The following JAKMIP2 variants were observed in gnomAD, a reference collection of about 807,000 sequenced individuals.
JAKMIP2 encodes janus kinase and microtubule interacting protein 2, also known as janus kinase and microtubule-interacting protein 2.
A neutral mutation model predicts 115.0 loss-of-function variants in JAKMIP2; 25 were observed. The ratio of observed to expected loss-of-function variants is 0.22; its 90% confidence interval spans 0.16 to 0.30. The LOEUF (loss-of-function observed/expected upper bound fraction) is 0.30, where lower values mean the gene tolerates loss of function less well. Ranked by LOEUF, JAKMIP2 falls within the 10% of genes least tolerant of loss-of-function variation. JAKMIP2 has a pLI of 1.00. For missense variants in JAKMIP2, 642 were observed against 957.6 expected, an observed-to-expected ratio of 0.67 and a Z score of 4.35; for synonymous variants, 334 against 343.6, an observed-to-expected ratio of 0.97 and a Z score of 0.31.
chr5:147,725,452 C>A (rs1389205076), intron 1 of JAKMIP2, among the ~76,000 whole-genome samples: 2 of 152,174 alleles, frequency 1.3e-5, no homozygotes, highest in African/African-American at 4.8e-5. Context: ...GTCCAAGAAC[C>A]CTCTCTTAGG....
chr5:147,601,205 C>T (rs1229444107), intron 21 of JAKMIP2, among the ~76,000 whole-genome samples: 8 of 152,270 alleles, frequency 5.3e-5, no homozygotes, highest in African/African-American at 1.9e-4. Flanking sequence ...TTGGTTTCTT[C>T]ACTTTTCTAA....
intron 1 of JAKMIP2, among the ~76,000 whole-genome samples, chr5:147,769,554 T>C (rs1359469236): frequency 6.6e-6 from 1 of 152,146 alleles, no homozygotes; most frequent in Non-Finnish European, 1.5e-5. Context: ...AAACCCACTA[T>C]AGACTAATGA....
intron 3 of JAKMIP2, among the ~76,000 whole-genome samples, chr5:147,658,850 A>G (rs1481810057): frequency 1.3e-5 from 2 of 152,112 alleles, no homozygotes; most frequent in East Asian, 3.9e-4. Flanking sequence ...CACCAACTAA[A>G]GCCACAGTAA....
rs1758917935 is a variant in JAKMIP2 at position 147,660,839 on chromosome 5, C to T, written c.627+109G>A. On this transcript the variant is annotated intron_variant, in intron 3 of 21. Transcript: ENST00000616793. ...TAGAGCACTGGACAAAAGGTAGGCA[C>T]TGTTTACAATCCACTGACAAGAAAA... 2.4e-6 allele frequency: 3 copies of T among 1,254,198 alleles called. No individual in the cohort carries two copies. The Admixed American group carries it at 6.5e-5, about 27-fold the overall frequency. The allele number at this position is 1,254,198 out of a possible 1,614,324, so 77.7% of individuals were successfully genotyped here.
chr5:147,718,431 C>G (rs1753107895), intron 1 of JAKMIP2, among the ~76,000 whole-genome samples: 1 of 151,974 alleles, frequency 6.6e-6, no homozygotes, highest in Non-Finnish European at 1.5e-5. Flanking sequence ...GGTACCAGTT[C>G]CTCCTTGTAC....
At chr5:147,705,274 C>T (rs761847364) in intron 1 of JAKMIP2, among the ~76,000 whole-genome samples, 1 of 151,948 alleles carries the variant, frequency 6.6e-6, no homozygotes, top group African/African-American at 2.4e-5. Context: ...TTCCAGGAAC[C>T]CCTTCACTCA....
intron 1 of JAKMIP2, among the ~76,000 whole-genome samples, chr5:147,702,646 AAGAAAGAAAGAAAGAAAGAG>A (rs1333513078): frequency 0.026 from 3,411 of 133,636 alleles, 211 homozygotes; most frequent in African/African-American, 0.097. Flanking sequence ...GAAAGAAAGA[AAGAAAGAAAGAAAGAAAGAG>A]AGAGAAAGAA....
chr5:147,768,214 G>A (rs1231931075), intron 1 of JAKMIP2, among the ~76,000 whole-genome samples: 1 of 152,014 alleles, frequency 6.6e-6, no homozygotes, highest in East Asian at 1.9e-4. Context: ...CTTATGTTCT[G>A]ATAAAGGCCT....
At chr5:147,727,141 TC>T (rs1394960582) in intron 1 of JAKMIP2, among the ~76,000 whole-genome samples, 4 of 152,252 alleles carry the variant, frequency 2.6e-5, no homozygotes, top group African/African-American at 9.6e-5. Context: ...TCTTGAATCT[TC>T]CTTTCTCTGA....
intron 21 of JAKMIP2, among the ~76,000 whole-genome samples, chr5:147,595,903 T>TTA (rs577481594): frequency 1.2e-4 from 19 of 152,202 alleles, no homozygotes; most frequent in Admixed American, 3.9e-4. Context: ...AAATGTGTAT[T>TTA]TATATATATA....
At chr5:147,628,668 G>C (rs1024437576) in intron 16 of JAKMIP2, 83 bp downstream of exon 16, 8 of 977,774 alleles carry the variant, frequency 8.2e-6, no homozygotes, top group Non-Finnish European at 1.3e-5. Flanking sequence ...ATGTGCAGAG[G>C]GAATGTCCTT....
At chr5:147,599,893 A>G (rs1755605576) in intron 21 of JAKMIP2, among the ~76,000 whole-genome samples, 1 of 152,118 alleles carries the variant, frequency 6.6e-6, no homozygotes, top group African/African-American at 2.4e-5. Flanking sequence ...AGGGGATTTC[A>G]TGAGGATTAA....
chr5:147,725,289 T>C (rs1753473800), intron 1 of JAKMIP2, among the ~76,000 whole-genome samples: 1 of 152,132 alleles, frequency 6.6e-6, no homozygotes, highest in South Asian at 2.1e-4. Flanking sequence ...GTTTAGCATG[T>C]AATTATTAAA....
At position 147,660,998 on chromosome 5, in the gene JAKMIP2, C is replaced by T; in HGVS notation, c.577G>A (p.Glu193Lys). The change falls in exon 3 of 22, where the codon GAA becomes AAA. Residue 193 changes from glutamate to lysine, a missense_variant. By Grantham distance (56) the Glu-to-Lys change is moderately conservative. Around this residue, in one of 6 missense-constraint regions of JAKMIP2, gnomAD observed 439 missense variants for 570.9 expected, o/e 0.77. Coordinates refer to ENST00000616793, the MANE Select transcript of JAKMIP2 (RefSeq NM_001270941.2). ...DLRSEHQSHQ[E>K]AISKIKWESE... ...TCCCACTTGATCTTCGAGATGGCTT[C>T]TTGGTGGGACTGATGCTCACTCCGA... 1 of 1,614,074 alleles carries T rather than the reference C, an allele frequency of 6.2e-7. No homozygotes were observed. The highest frequency in any genetic ancestry group is 8.5e-7 in the Non-Finnish European group (1 of 1,180,026).
intron 1 of JAKMIP2, among the ~76,000 whole-genome samples, chr5:147,749,019 A>G (rs1001744182): frequency 6.6e-6 from 1 of 152,196 alleles, no homozygotes; most frequent in Admixed American, 6.5e-5. Context: ...AACCTCGGTT[A>G]TTACCTCAGA....
chr5:147,774,410 A>G (rs1755477436), intron 1 of JAKMIP2, among the ~76,000 whole-genome samples: 1 of 152,182 alleles, frequency 6.6e-6, no homozygotes, highest in Non-Finnish European at 1.5e-5. Flanking sequence ...GTGAATTCTC[A>G]GCATGGATTT....
intron 18 of JAKMIP2, among the ~76,000 whole-genome samples, chr5:147,619,319 G>T (rs915811257): frequency 7.9e-5 from 12 of 151,788 alleles, no homozygotes; most frequent in African/African-American, 2.9e-4. Flanking sequence ...AAGAGGCAAG[G>T]GTGAAAGGTA....
chr5:147,593,041 A>C (rs1420952449), intron 21 of JAKMIP2, among the ~76,000 whole-genome samples: 2 of 152,200 alleles, frequency 1.3e-5, no homozygotes, highest in East Asian at 3.9e-4. Flanking sequence ...TTGATGGTGG[A>C]TTCACAGAGG....
chr5:147,644,960 G>A lies in JAKMIP2; in HGVS notation c.973C>T (p.Pro325Ser). 1 of 1,613,652 alleles carries A rather than the reference G, an allele frequency of 6.2e-7. No individual in the cohort carries two copies. The highest frequency in any genetic ancestry group is 8.5e-7 in the Non-Finnish European group (1 of 1,179,826). The change falls in exon 6 of 22, where the codon CCT becomes TCT. Residue 325 changes from proline (P) to serine (S), a missense_variant. By Grantham distance (74) the Pro-to-Ser change is moderately conservative. Transcript: ENST00000616793. ...RVRETEKQCK[P>S]LLERNKCLAK... ...AGGCACTTGTTCCTTTCCAGGAGAGGTTTACATTGCTTTTCGGTTTCCCGC... is the reference window on the plus strand; with the variant it reads ...AGGCACTTGTTCCTTTCCAGGAGAGATTTACATTGCTTTTCGGTTTCCCGC...
Sources: allele counts gnomAD v4.1 joint callset (sites outside exome capture counted in the v4.1 genomes callset), GRCh38; gene constraint gnomAD v4.1.1; regional missense constraint gnomAD v4.1.1; transcripts MANE v1.5; gene names NCBI Gene and HGNC (gene_info 2026-07-23, HGNC 2026-07-21).